XPO4: variants seen among roughly 807,000 people sequenced by gnomAD.
XPO4 encodes exportin-4.
XPO4 carries 39 observed loss-of-function variants against 143.0 expected under a neutral mutation model. The ratio of observed to expected loss-of-function variants is 0.27; its 90% CI spans 0.21 to 0.36. XPO4 has a LOEUF of 0.36. Ranked by LOEUF, XPO4 falls within the 10% of genes least tolerant of loss-of-function variation. XPO4 has a pLI of 1.00. For synonymous variants in XPO4, 439 were observed against 474.0 expected (o/e 0.93, Z 0.96); for missense variants, 907 against 1,348.0 (o/e 0.67, Z 5.12).
intron 4 of XPO4, chr13:20,851,094 T>C (rs1192847240): frequency 5.1e-6 from 5 of 985,198 alleles, no homozygotes; most frequent in African/African-American, 3.5e-5. Flanking sequence ...CACTGTCATT[T>C]ATATCTGAGA....
intron 1 of XPO4, among the ~76,000 whole-genome samples, chr13:20,884,826 G>T (rs1325598885): frequency 6.6e-6 from 1 of 152,128 alleles, no homozygotes; most frequent in Non-Finnish European, 1.5e-5. Flanking sequence ...CTTCAGTCTG[G>T]GTGACACAGC....
chr13:20,879,999 A>C (rs1317881876), intron 1 of XPO4, among the ~76,000 whole-genome samples: 1 of 152,254 alleles, frequency 6.6e-6, no homozygotes, highest in African/African-American at 2.4e-5. Flanking sequence ...AGGAAAATAC[A>C]AATCAAAACT....
At chr13:20,877,603 G>T (rs1386805279) in intron 1 of XPO4, among the ~76,000 whole-genome samples, 1 of 152,126 alleles carries the variant, frequency 6.6e-6, no homozygotes, top group Non-Finnish European at 1.5e-5. Flanking sequence ...ACATCCTACA[G>T]CCACTAAACC....
chr13:20,891,042 G>A (rs185108325), intron 1 of XPO4, among the ~76,000 whole-genome samples: 243 of 147,846 alleles, frequency 1.6e-3, no homozygotes, highest in Middle Eastern at 3.5e-3. Flanking sequence ...GCTTGAATCC[G>A]AGAGGTGGAG....
At chr13:20,843,734 C>A in intron 5 of XPO4, 36 bp downstream of exon 5, 1 of 1,412,028 alleles carries the variant, frequency 7.1e-7, no homozygotes, top group South Asian at 1.2e-5. Context: ...AGTGAATGAT[C>A]CAATAATTAA....
intron 1 of XPO4, among the ~76,000 whole-genome samples, chr13:20,880,663 A>G (rs1490119472): frequency 6.6e-6 from 1 of 152,152 alleles, no homozygotes; most frequent in Admixed American, 6.5e-5. Context: ...CAGAAATAAA[A>G]AGGAATGAAG....
At chr13:20,859,412 AAC>A (rs1417696074) in intron 3 of XPO4, among the ~76,000 whole-genome samples, 1 of 152,170 alleles carries the variant, frequency 6.6e-6, no homozygotes, top group Admixed American at 6.5e-5. Flanking sequence ...CATCCTGGCT[AAC>A]ACAGTGAAAC....
intron 9 of XPO4, among the ~76,000 whole-genome samples, chr13:20,818,699 G>A (rs143023834): frequency 9.9e-5 from 15 of 152,166 alleles, no homozygotes; most frequent in African/African-American, 3.6e-4. Flanking sequence ...GTTCTTATGT[G>A]GTAAGAGTGC....
At chr13:20,866,179 A>G in intron 2 of XPO4, 1 of 985,402 alleles carries the variant, frequency 1.0e-6, no homozygotes, top group Non-Finnish European at 1.2e-6. Context: ...TCTGAAGTGA[A>G]GAAGTCTAAA....
At chr13:20,828,586 G>A (rs374466226) in intron 6 of XPO4, among the ~76,000 whole-genome samples, 2 of 152,156 alleles carry the variant, frequency 1.3e-5, no homozygotes. Flanking sequence ...TTGTTTCAAG[G>A]AGAAAAATCA....
chr13:20,854,465 G>A (rs1349250657), intron 4 of XPO4, among the ~76,000 whole-genome samples: 1 of 152,014 alleles, frequency 6.6e-6, no homozygotes, highest in Non-Finnish European at 1.5e-5. Flanking sequence ...TTAACTGAGG[G>A]GCCACTGAAG....
intron 3 of XPO4, among the ~76,000 whole-genome samples, chr13:20,861,775 C>CTTTTTTTT (rs1566613499): frequency 3.2e-5 from 4 of 123,210 alleles, no homozygotes; most frequent in African/African-American, 1.3e-4. Context: ...GCACATTTCT[C>CTTTTTTTT]TCTTTTTTTT....
Position 20,837,365 on chromosome 13 carries a change from A to G in XPO4, c.727+5530T>C, listed in dbSNP as rs149347108. On this transcript the variant is annotated intron_variant, in intron 6 of 22. Coordinates refer to ENST00000255305, the MANE Select transcript of XPO4 (RefSeq NM_022459.5). The stretch of plus-strand genomic sequence containing the variant: ...CAAAATTGTTCCTAGTTGAGAATCA[A>G]TGTTAAAGAGTTATGATTTGTTTTC... Among the ~76,000 whole-genome samples the G allele has an allele frequency of 2.5e-3, 377 of 152,272 alleles. 1 individual carries two copies. The highest frequency in any genetic ancestry group is 8.7e-3 in the African/African-American group (361 of 41,562).
At chr13:20,857,563 T>TAA (rs562557674) in intron 3 of XPO4, among the ~76,000 whole-genome samples, 2 of 141,300 alleles carry the variant, frequency 1.4e-5, no homozygotes. Context: ...CCGTCTCTAC[T>TAA]AAAAAAAAAA....
intron 14 of XPO4, 71 bp downstream of exon 14, chr13:20,800,759 AG>A: frequency 1.3e-6 from 2 of 1,556,736 alleles, no homozygotes; most frequent in Non-Finnish European, 1.7e-6. Context: ...AAAACCACCA[AG>A]AAAAATGTTC....
At chr13:20,841,134 G>T (rs1001268080) in intron 6 of XPO4, among the ~76,000 whole-genome samples, 1 of 152,106 alleles carries the variant, frequency 6.6e-6, no homozygotes, top group Admixed American at 6.6e-5. Context: ...TGTAACTTTT[G>T]TTGATTTTTC....
Position 20,803,812 on chromosome 13 carries a change from C to A in XPO4, c.1818-2822G>T, listed in dbSNP as rs1479406760. Among the ~76,000 whole-genome samples, 1 of 152,118 alleles carries A rather than the reference C, an allele frequency of 6.6e-6. No homozygotes were observed. Among genetic ancestry groups the A allele is most frequent in the Non-Finnish European group, 1.5e-5 (1 of 68,034 alleles). On this transcript the variant is annotated intron_variant, in intron 13 of 22. Transcript: ENST00000255305. This position sits in a 1 kb window ranked among gnomAD's most constrained non-coding sequence, Gnocchi z 4.1. Reference sequence around the variant, plus strand: ...TCTCTTACTGTCAGAGGCATCAAACCAGACTGACTCCATCTTGAGTGAGGG... The same window carrying A: ...TCTCTTACTGTCAGAGGCATCAAACAAGACTGACTCCATCTTGAGTGAGGG...
At chr13:20,836,114 TG>T (rs1352384975) in intron 6 of XPO4, among the ~76,000 whole-genome samples, 2 of 152,202 alleles carry the variant, frequency 1.3e-5, no homozygotes, top group Non-Finnish European at 2.9e-5. Flanking sequence ...AAAGTTATAC[TG>T]GAATTTTTGA....
chr13:20,856,476 G>A, intron 3 of XPO4: 1 of 488,098 alleles, frequency 2.0e-6, no homozygotes, highest in Non-Finnish European at 2.7e-6. Context: ...GAAAGATAAG[G>A]ATCAGAAAAC....
Sources: allele counts gnomAD v4.1 joint callset (sites outside exome capture counted in the v4.1 genomes callset), GRCh38; gene constraint gnomAD v4.1.1; non-coding constraint Gnocchi (gnomAD v3.1); transcripts MANE v1.5; gene names NCBI Gene and HGNC (gene_info 2026-07-23, HGNC 2026-07-21).